Variants in ANKRD7 observed in about 807,000 individuals in gnomAD.
The protein encoded by ANKRD7 is ankyrin repeat domain 7, also known as ankyrin repeat domain-containing protein 7.
A neutral mutation model predicts 30.8 loss-of-function variants in ANKRD7; 30 were observed. That is an observed-to-expected ratio of 0.97 (90% CI 0.73 to 1.32). The LOEUF (loss-of-function observed/expected upper bound fraction) is 1.32. Ranked by LOEUF, ANKRD7 falls within the 40% of genes most tolerant of loss-of-function variation. ANKRD7 has a pLI of 0.00. For synonymous variants in ANKRD7, 97 were observed against 106.6 expected (o/e 0.91, Z 0.55); for missense variants, 264 against 295.7 (o/e 0.89, Z 0.79).
At chr7:118,233,504 G>T (rs2116010119) in intron 1 of ANKRD7, among the ~76,000 whole-genome samples, 1 of 152,016 alleles carries the variant, frequency 6.6e-6, no homozygotes, top group South Asian at 2.1e-4. Context: ...AAGTTATTGT[G>T]TATAGGTTTT....
At chr7:118,233,196 A>G (rs1250302612) in intron 1 of ANKRD7, among the ~76,000 whole-genome samples, 2 of 152,082 alleles carry the variant, frequency 1.3e-5, no homozygotes, top group East Asian at 1.9e-4. Context: ...TTGTCCTACA[A>G]CAAAGTACTT....
chr7:118,234,923 A>C, intron 3 of ANKRD7, 49 bp downstream of exon 3: 1 of 1,454,982 alleles, frequency 6.9e-7, no homozygotes. Context: ...AAGCAACTGA[A>C]GAGCATATTT....
rs189882379 is a variant in ANKRD7 at position 118,239,914 on chromosome 7, T to C, written c.718T>C (p.Tyr240His). The change falls in exon 6 of 7, where the codon TAC becomes CAC. Residue 240 changes from tyrosine (Y) to histidine (H), a missense_variant. Transcript: ENST00000265224. ...ACACGTAATTTCCTTTATAGATAGATACCCACAATTCACTGCGAGCCATGG... is the reference window on the plus strand; with the variant it reads ...ACACGTAATTTCCTTTATAGATAGACACCCACAATTCACTGCGAGCCATGG... ...MFISMVLLHR[Y>H]PQFTASHGKK... 3,674 of 1,590,728 alleles carry C rather than the reference T, an allele frequency of 2.3e-3. 5 individuals are homozygous for C. The highest frequency in any genetic ancestry group is 2.7e-3 in the Non-Finnish European group (3,189 of 1,164,430).
Position 118,224,894 on chromosome 7 carries a change from C to T in ANKRD7, c.64C>T (p.Arg22Ter). The T allele has an allele frequency of 6.2e-7, 1 of 1,614,114 alleles. No individual in the cohort carries two copies. The highest frequency in any genetic ancestry group is 1.1e-5 in the South Asian group (1 of 91,090). The change falls in exon 1 of 7, where the codon CGA (arginine) becomes TGA (stop). Residue 22 changes from arginine to a stop codon, truncating the protein, a stop_gained. Coordinates refer to ENST00000265224, the MANE Select transcript of ANKRD7 (RefSeq NM_019644.4). LOFTEE classifies it high-confidence loss of function. ...GACCCGCAGCCAGGGCTACAACCTT[C>T]GAGAAAAGGATTTAAAGAAACTTCA... ...NETRSQGYNL[R>*]EKDLKKLHRA...
intron 1 of ANKRD7, among the ~76,000 whole-genome samples, chr7:118,229,477 C>A (rs1809597855): frequency 6.6e-6 from 1 of 152,000 alleles, no homozygotes; most frequent in African/African-American, 2.4e-5. Flanking sequence ...TAGAACCCTG[C>A]CTAGCCATAG....
chr7:118,234,719 G>T lies in ANKRD7; in HGVS notation c.313G>T (p.Glu105Ter), dbSNP rs1006808185. The change falls in exon 3 of 7, where the codon GAG (glutamate) becomes TAG (stop). Residue 105 changes from glutamate to a stop codon, truncating the protein, a stop_gained. Coordinates refer to ENST00000265224, the MANE Select transcript of ANKRD7 (RefSeq NM_019644.4). LOFTEE classifies it high-confidence loss of function. ...TTAACAGGCAGTACAGTGTCAAAAT[G>T]AGGATTGTGCTACTATTCTTCTAAA... is the stretch of plus-strand genomic sequence containing the variant. The part of the protein sequence containing the change: ...PLIKAVQCQN[E>*]DCATILLNFG... The T allele has an allele frequency of 7.1e-5, 115 of 1,608,706 alleles. No homozygotes were observed. In the East Asian group the frequency reaches 2.6e-3, roughly 36 times the overall value.
intron 5 of ANKRD7, among the ~76,000 whole-genome samples, chr7:118,237,296 A>T (rs1809747081): frequency 6.6e-6 from 1 of 152,224 alleles, no homozygotes; most frequent in African/African-American, 2.4e-5. Flanking sequence ...CATGTTTTGA[A>T]TATTATTGTT....
chr7:118,239,465 A>G (rs1809786549), intron 5 of ANKRD7, among the ~76,000 whole-genome samples: 1 of 152,212 alleles, frequency 6.6e-6, no homozygotes, highest in African/African-American at 2.4e-5. Flanking sequence ...ACAGTTATCT[A>G]AAAGGCAAAT....
At position 118,234,795 on chromosome 7, in the gene ANKRD7, A is replaced by G. The variant is rs11552725; in HGVS notation, c.389A>G (p.His130Arg). ...GATATTCGTTATAATACTGTTCTTC[A>G]CTATGCTGTTTGTGGTCAAAGTTTG... ...LRDIRYNTVLHYAVCGQSLSL... is the reference protein window; with the variant it reads ...LRDIRYNTVLRYAVCGQSLSL... Residue 130 changes from histidine to arginine, a missense_variant, in exon 3 of 7, where the codon CAC becomes CGC. Transcript: ENST00000265224. 6.2e-7 allele frequency: 1 copy of G among 1,613,134 alleles called. No individual in the cohort carries two copies. Among genetic ancestry groups the G allele is most frequent in the South Asian group, 1.1e-5 (1 of 90,778 alleles).
In ANKRD7 at chr7:118,238,535, A is replaced by G. The variant is rs75118514; in HGVS notation, c.713-1374A>G. Among the ~76,000 whole-genome samples the G allele has an allele frequency of 6.2e-4, 94 of 152,324 alleles. No homozygotes were observed. The East Asian group carries it at 0.011, about 18-fold the overall frequency. On this transcript the variant is annotated intron_variant, in intron 5 of 6. Coordinates refer to ENST00000265224, the MANE Select transcript of ANKRD7 (RefSeq NM_019644.4). Reference sequence around the variant, plus strand: ...TGTTGCCTATGTAACGTACTTAAGAATGTGCTGCTTCATAACATCATTTGT... The same window carrying G: ...TGTTGCCTATGTAACGTACTTAAGAGTGTGCTGCTTCATAACATCATTTGT...
At chr7:118,239,676 C>G (rs1809790781) in intron 5 of ANKRD7, among the ~76,000 whole-genome samples, 4 of 152,114 alleles carry the variant, frequency 2.6e-5, no homozygotes, top group Admixed American at 2.6e-4. Flanking sequence ...TTGATAGTGG[C>G]TTTTAAAAAA....
chr7:118,233,852 G>T (rs1308774476), intron 1 of ANKRD7, among the ~76,000 whole-genome samples: 1 of 152,100 alleles, frequency 6.6e-6, no homozygotes, highest in African/African-American at 2.4e-5. Flanking sequence ...ATGAATGTGT[G>T]TCTGGTTTCC....
chr7:118,231,463 A>G (rs1809637127), intron 1 of ANKRD7, among the ~76,000 whole-genome samples: 2 of 152,088 alleles, frequency 1.3e-5, no homozygotes, highest in Non-Finnish European at 1.5e-5. Flanking sequence ...GAAAGTGCCC[A>G]GCCTAGAGAT....
At chr7:118,240,986 C>T (rs1809825450) in intron 6 of ANKRD7, among the ~76,000 whole-genome samples, 1 of 149,370 alleles carries the variant, frequency 6.7e-6, no homozygotes, top group African/African-American at 2.5e-5. Flanking sequence ...AACCCCGTCT[C>T]TACTAAAAAT....
intron 5 of ANKRD7, among the ~76,000 whole-genome samples, chr7:118,238,127 A>G (rs1472547913): frequency 1.3e-5 from 2 of 152,188 alleles, no homozygotes; most frequent in African/African-American, 4.8e-5. Flanking sequence ...TAGTTTGATG[A>G]GAAGGAAATC....
rs186527779 is a variant in ANKRD7, at chr7:118,235,101, T to C, written c.468+227T>C. Among the ~76,000 whole-genome samples the C allele has an allele frequency of 2.5e-3, 382 of 152,278 alleles. 2 individuals are homozygous for C. Among genetic ancestry groups the C allele is most frequent in the African/African-American group, 8.8e-3 (365 of 41,548 alleles). On this transcript the variant is annotated intron_variant, in intron 3 of 6. Coordinates refer to ENST00000265224, the MANE Select transcript of ANKRD7 (RefSeq NM_019644.4). ...AATCCTGACCTCCAAAGAAACACTA[T>C]ATTTAACAACTATAATTGTTTAACA...
intron 1 of ANKRD7, among the ~76,000 whole-genome samples, chr7:118,232,450 T>C (rs547702956): frequency 6.6e-6 from 1 of 152,188 alleles, no homozygotes; most frequent in African/African-American, 2.4e-5. Flanking sequence ...AGTTCTTGTT[T>C]TCAGATTTTG....
intron 3 of ANKRD7, among the ~76,000 whole-genome samples, chr7:118,235,610 T>TAAAA (rs1269023346): frequency 1.4e-5 from 1 of 73,362 alleles, no homozygotes. Flanking sequence ...AGACTCTGTC[T>TAAAA]CAAAAAAAAA....
chr7:118,227,371 G>C (rs1809562581), intron 1 of ANKRD7, among the ~76,000 whole-genome samples: 1 of 152,148 alleles, frequency 6.6e-6, no homozygotes. Flanking sequence ...GGGAGGTAGT[G>C]GGTCTCTTTC....
Sources: gnomAD v4.1 joint callset for allele counts (sites outside exome capture counted in the v4.1 genomes callset) on GRCh38, gnomAD v4.1.1 for gene constraint, MANE v1.5 for transcripts, NCBI Gene and HGNC (gene_info 2026-07-23, HGNC 2026-07-21) for gene names.